KCNIP4: variants seen among roughly 807,000 people sequenced by gnomAD.
KCNIP4 encodes Kv channel-interacting protein 4.
A neutral mutation model predicts 34.0 loss-of-function variants in KCNIP4; 12 were observed. The ratio of observed to expected loss-of-function variants is 0.35; its 90% CI spans 0.23 to 0.57. KCNIP4 has a LOEUF of 0.57. KCNIP4 is among the 20% of genes least tolerant of loss of function. The pLI is 0.83. For missense variants in KCNIP4, 238 were observed against 311.7 expected, an observed-to-expected ratio of 0.76 and a Z score of 1.78; for synonymous variants, 124 against 102.2, an observed-to-expected ratio of 1.21 and a Z score of -1.29.
rs1417404058 is a variant in KCNIP4, at chr4:21,370,828, TATATATATATATATATATATATACACAC to T, written c.62-488147_62-488120del. Reference sequence around the variant, plus strand: ...ATATATATATATATATATATATATATATATATATATATATATATATATACACACACACACACACACACACACACACACA... The same window carrying T: ...ATATATATATATATATATATATATATACACACACACACACACACACACACA... On this transcript the variant is annotated intron_variant, in intron 1 of 8. Coordinates refer to ENST00000382152, the MANE Select transcript of KCNIP4 (RefSeq NM_025221.6). Among the ~76,000 whole-genome samples, 131 of 32,454 alleles carry T rather than the reference TATATATATATATATATATATATACACAC, an allele frequency of 4.0e-3. 15 individuals are homozygous for T. The highest frequency in any genetic ancestry group is 0.017 in the African/African-American group (104 of 6,106). The allele number at this position is 32,454 out of a possible 152,430, so 21.3% of individuals were successfully genotyped here. A position where few individuals can be genotyped will look rare whatever the true frequency, so the allele number is the denominator to read the frequency against.
chr4:21,671,647 T>C (rs1021023733), intron 1 of KCNIP4, among the ~76,000 whole-genome samples: 2 of 152,172 alleles, frequency 1.3e-5, no homozygotes, highest in Admixed American at 1.3e-4. Context: ...GTTGATATGA[T>C]TGATTGATGG....
At chr4:21,713,199 T>C (rs1713878474) in intron 1 of KCNIP4, among the ~76,000 whole-genome samples, 1 of 152,196 alleles carries the variant, frequency 6.6e-6, no homozygotes, top group Non-Finnish European at 1.5e-5. Context: ...AAAATGTATA[T>C]TAAACACATT....
chr4:21,074,359 C>G (rs1000287572), intron 1 of KCNIP4, among the ~76,000 whole-genome samples: 9 of 152,190 alleles, frequency 5.9e-5, no homozygotes, highest in East Asian at 1.9e-4. Context: ...TCCTGGTTTA[C>G]TCTTGGGAGA....
At chr4:21,806,077 A>G (rs1721273604) in intron 1 of KCNIP4, among the ~76,000 whole-genome samples, 1 of 152,180 alleles carries the variant, frequency 6.6e-6, no homozygotes, top group Admixed American at 6.5e-5. Flanking sequence ...ATAAAACAGC[A>G]TGGTAGTTAA....
intron 1 of KCNIP4, among the ~76,000 whole-genome samples, chr4:21,002,951 A>G (rs1738263788): frequency 6.6e-6 from 1 of 152,168 alleles, no homozygotes; most frequent in Non-Finnish European, 1.5e-5. Context: ...GTTACCTGAC[A>G]CTGGTATAAA....
intron 1 of KCNIP4, among the ~76,000 whole-genome samples, chr4:21,764,699 CT>C (rs1053079984): frequency 6.6e-6 from 1 of 152,060 alleles, no homozygotes. Flanking sequence ...GCTTAGAAAT[CT>C]TTTCTGCCCT....
intron 1 of KCNIP4, among the ~76,000 whole-genome samples, chr4:21,562,542 T>G (rs1349244435): frequency 6.6e-6 from 1 of 152,026 alleles, no homozygotes; most frequent in Non-Finnish European, 1.5e-5. Flanking sequence ...CATGTAACAT[T>G]TGGGAATTTC....
intron 1 of KCNIP4, among the ~76,000 whole-genome samples, chr4:21,904,988 T>C (rs1249074872): frequency 6.6e-6 from 1 of 152,178 alleles, no homozygotes; most frequent in Non-Finnish European, 1.5e-5. Context: ...TAGTGATTAA[T>C]TTTTACCCAG....
intron 1 of KCNIP4, among the ~76,000 whole-genome samples, chr4:21,327,530 T>C (rs1181492761): frequency 6.6e-6 from 1 of 152,098 alleles, no homozygotes; most frequent in Non-Finnish European, 1.5e-5. Context: ...AGTAGTGTTA[T>C]TTGAGGTAAT....
intron 3 of KCNIP4, among the ~76,000 whole-genome samples, chr4:20,847,634 A>G (rs759439039): frequency 2.6e-5 from 4 of 152,100 alleles, no homozygotes; most frequent in Non-Finnish European, 5.9e-5. Context: ...TATTTCTCTC[A>G]CTATCTTCCC....
At chr4:21,647,365 T>C (rs1747102740) in intron 1 of KCNIP4, among the ~76,000 whole-genome samples, 1 of 152,156 alleles carries the variant, frequency 6.6e-6, no homozygotes, top group Admixed American at 6.5e-5. Context: ...ACATTCTTTT[T>C]CATTCTATCT....
At chr4:21,559,135 C>T (rs994470429) in intron 1 of KCNIP4, among the ~76,000 whole-genome samples, 1 of 151,994 alleles carries the variant, frequency 6.6e-6, no homozygotes, top group African/African-American at 2.4e-5. Context: ...ATATTAACAG[C>T]CACCTGAATA....
At chr4:21,234,322 CAT>C (rs1491242184) in intron 1 of KCNIP4, among the ~76,000 whole-genome samples, 7 of 73,606 alleles carry the variant, frequency 9.5e-5, no homozygotes, top group Admixed American at 3.3e-4. Flanking sequence ...ATATATATAA[CAT>C]ATATAAATTA....
chr4:21,695,283 A>C (rs1169273620), intron 1 of KCNIP4, among the ~76,000 whole-genome samples: 1 of 152,140 alleles, frequency 6.6e-6, no homozygotes, highest in Non-Finnish European at 1.5e-5. Context: ...TGGATATCAC[A>C]AAATTTAGTA....
At chr4:21,639,535 C>T (rs10446632) in intron 1 of KCNIP4, among the ~76,000 whole-genome samples, 32,758 of 151,174 alleles carry the variant, frequency 0.22, 4,593 homozygotes, top group Non-Finnish European at 0.3. Context: ...ATTAACTAGA[C>T]GAAATTAAAA....
rs112012806 is a variant in KCNIP4 at position 21,724,196 on chromosome 4, G to T, written c.61+224375C>A. On this transcript the variant is annotated intron_variant, in intron 1 of 8. Transcript: ENST00000382152. ...ACTATCACAGAGCATAGACAATGAG[G>T]TGTCTAAGAAAGATCCCTGAGAGCC... is the stretch of plus-strand genomic sequence containing the variant. Among the ~76,000 whole-genome samples the T allele has an allele frequency of 8.7e-3, 1,330 of 152,126 alleles. 19 individuals carry two copies. Among genetic ancestry groups the T allele is most frequent in the South Asian group, 0.039 (188 of 4,820 alleles).
At chr4:21,432,481 T>G (rs907974425) in intron 1 of KCNIP4, among the ~76,000 whole-genome samples, 1 of 152,016 alleles carries the variant, frequency 6.6e-6, no homozygotes, top group Admixed American at 6.6e-5. Context: ...GAACAAAAAT[T>G]ATGATGTTCA....
At chr4:21,041,230 T>TCACACA (rs57664737) in intron 1 of KCNIP4, among the ~76,000 whole-genome samples, 18,728 of 144,616 alleles carry the variant, frequency 0.13, 1,313 homozygotes, top group East Asian at 0.22. Context: ...GATATATATT[T>TCACACA]CACACACACA....
intron 1 of KCNIP4, among the ~76,000 whole-genome samples, chr4:20,946,032 A>C (rs957721196): frequency 2.0e-5 from 3 of 152,158 alleles, no homozygotes; most frequent in Non-Finnish European, 4.4e-5. Context: ...CCACTCATTA[A>C]AAAAATACTG....
Sources: allele counts gnomAD v4.1 joint callset (sites outside exome capture counted in the v4.1 genomes callset), GRCh38; gene constraint gnomAD v4.1.1; transcripts MANE v1.5; gene names NCBI Gene and HGNC (gene_info 2026-07-23, HGNC 2026-07-21).